The following CDC37 variants were observed in gnomAD, a reference collection of about 807,000 sequenced individuals.
CDC37 encodes hsp90 co-chaperone Cdc37.
CDC37 carries 9 observed loss-of-function variants against 46.9 expected under a neutral mutation model. The observed-to-expected ratio is 0.19, with a 90% CI of 0.12 to 0.33. The LOEUF is 0.33. CDC37 is among the 10% of genes least tolerant of loss of function. The pLI is 1.00. For synonymous variants in CDC37, 193 were observed against 191.0 expected (o/e 1.01, Z -0.09); for missense variants, 388 against 514.6 (o/e 0.75, Z 2.38).
At chr19:10,401,327 G>A (rs776739659) in intron 1 of CDC37, among the ~76,000 whole-genome samples, 16 of 152,170 alleles carry the variant, frequency 1.1e-4, no homozygotes, top group Non-Finnish European at 1.9e-4. Context: ...TGCTGGAGAC[G>A]CTGAAGCCCC....
Position 10,403,524 on chromosome 19 carries a change from G to C in CDC37, c.-45C>G, listed in dbSNP as rs550418881. The C allele has an allele frequency of 2.5e-5, 36 of 1,463,024 alleles. No individual in the cohort carries two copies. Among genetic ancestry groups the C allele is most frequent in the African/African-American group, 2.1e-4 (15 of 72,306 alleles). The allele number at this position is 1,463,024 out of a possible 1,614,324, so 90.6% of individuals were successfully genotyped here. On this transcript the variant is annotated 5_prime_UTR_variant, in exon 1 of 8. Coordinates refer to ENST00000222005, the MANE Select transcript of CDC37 (RefSeq NM_007065.4). ...CCGCTCCGGCTCGGGTGGCGGCGAC[G>C]GCGGCAGCAGTGGAGACTAGGAGCG...
intron 1 of CDC37, among the ~76,000 whole-genome samples, chr19:10,400,004 AC>A (rs1231210506): frequency 6.9e-6 from 1 of 144,962 alleles, no homozygotes; most frequent in African/African-American, 2.6e-5. Flanking sequence ...GGCCTGTGTC[AC>A]CCTGGAGCCT....
intron 1 of CDC37, among the ~76,000 whole-genome samples, chr19:10,397,655 T>C (rs1253346445): frequency 6.6e-6 from 1 of 152,106 alleles, no homozygotes; most frequent in South Asian, 2.1e-4. Context: ...TCCACCCACC[T>C]TGGCCTCCCA....
chr19:10,400,016 G>A (rs1318760035), intron 1 of CDC37, among the ~76,000 whole-genome samples: 1 of 148,552 alleles, frequency 6.7e-6, no homozygotes, highest in Non-Finnish European at 1.5e-5. Context: ...CCTGGAGCCT[G>A]CCCACCACCC....
In CDC37 at chr19:10,393,110, G is replaced by A. The variant is rs774929800; in HGVS notation, c.957C>T (p.Asp319=). ...FDVKDVQMLQ[D]AISKMDPTDA... ...CGGTGGGGTCCATCTTGCTGATGGC[G>A]TCCTGCAGCATCTGCACGTCCTTCA... The change falls in exon 7 of 8, where the codon GAC becomes GAT. Residue 319 remains aspartate (D), a synonymous_variant. Coordinates refer to ENST00000222005, the MANE Select transcript of CDC37 (RefSeq NM_007065.4). The surrounding 1 kb of genome is among the most constrained non-coding windows in gnomAD (Gnocchi z 4.9). 2.0e-5 allele frequency: 32 copies of A among 1,614,068 alleles called. No homozygotes were observed. In the South Asian group the frequency reaches 2.7e-4, roughly 14 times the overall value.
intron 2 of CDC37, 24 bp downstream of exon 2, chr19:10,395,904 G>GCC: frequency 7.8e-6 from 12 of 1,541,888 alleles, no homozygotes; most frequent in Non-Finnish European, 8.9e-6. Context: ...CATGCGCACT[G>GCC]CCCGCCCCGC....
chr19:10,397,288 CTTG>C (rs1599381667), intron 1 of CDC37, among the ~76,000 whole-genome samples: 1 of 151,424 alleles, frequency 6.6e-6, no homozygotes, highest in East Asian at 1.9e-4. Flanking sequence ...TGAACAAGGT[CTTG>C]TTGTCATGCA....
At chr19:10,401,787 G>A (rs1039336321) in intron 1 of CDC37, among the ~76,000 whole-genome samples, 6 of 152,120 alleles carry the variant, frequency 3.9e-5, no homozygotes, top group African/African-American at 1.4e-4. Flanking sequence ...ATAAATGATG[G>A]GGAATTGCCC....
chr19:10,395,765 C>G (rs2042486837), intron 2 of CDC37, 163 bp downstream of exon 2: 1 of 414,662 alleles, frequency 2.4e-6, no homozygotes, highest in Non-Finnish European at 4.5e-6. Flanking sequence ...CCTGTCCCCC[C>G]TCCCACGTGG....
In CDC37 at chr19:10,391,611, A is replaced by G. The variant is rs1333532088; in HGVS notation, c.1077T>C (p.Pro359=). 7 of 1,614,226 alleles carry G rather than the reference A, an allele frequency of 4.3e-6. No individual in the cohort carries two copies. Among genetic ancestry groups the G allele is most frequent in the African/African-American group, 1.3e-5 (1 of 75,064 alleles). ...GAACAGCTTCCAGTAATGGGTCCCC[A>G]GGACCTGCCTCCTCTCCCTCCTTGG... ...SEAKEGEEAG[P]GDPLLEAVPK... The change falls in exon 8 of 8, where the codon CCT becomes CCC. Residue 359 remains proline, a synonymous_variant. Coordinates refer to ENST00000222005, the MANE Select transcript of CDC37 (RefSeq NM_007065.4).
In CDC37 at chr19:10,391,752, G is replaced by A. The variant is rs2231486; in HGVS notation, c.982-46C>T. 10 of 1,558,264 alleles carry A rather than the reference G, an allele frequency of 6.4e-6. No individual in the cohort carries two copies. In the Admixed American group the frequency reaches 1.6e-4, roughly 25 times the overall value. ...GATGAGGTGGGGCCGCCAGCCGGTG[G>A]TCCCCGTTGTCCCCGTTGTCCCTTG... On this transcript the variant is annotated intron_variant, in intron 7 of 7. Coordinates refer to ENST00000222005, the MANE Select transcript of CDC37 (RefSeq NM_007065.4).
At chr19:10,400,378 G>A (rs1250283162) in intron 1 of CDC37, among the ~76,000 whole-genome samples, 1 of 152,156 alleles carries the variant, frequency 6.6e-6, no homozygotes, top group Non-Finnish European at 1.5e-5. Context: ...TCCGCTTCTG[G>A]AAACTTTGAA....
intron 7 of CDC37, among the ~76,000 whole-genome samples, chr19:10,392,052 T>G (rs1021766198): frequency 6.6e-6 from 1 of 152,246 alleles, no homozygotes; most frequent in Non-Finnish European, 1.5e-5. Context: ...TCTGCCTGCC[T>G]TGGCCTCCCA....
chr19:10,392,515 G>A (rs190213184), intron 7 of CDC37, among the ~76,000 whole-genome samples: 85 of 152,160 alleles, frequency 5.6e-4, no homozygotes, highest in Admixed American at 9.2e-4. Flanking sequence ...TAGATTCAAC[G>A]TCTATTACCA....
chr19:10,391,791 T>A, intron 7 of CDC37, 85 bp from the exon 8 acceptor site: 1 of 1,398,050 alleles, frequency 7.2e-7, no homozygotes, highest in Non-Finnish European at 9.9e-7. Context: ...ATCCCCAAGC[T>A]GGCTTCCTGC....
chr19:10,401,371 G>T (rs1211087105), intron 1 of CDC37, among the ~76,000 whole-genome samples: 2 of 152,184 alleles, frequency 1.3e-5, no homozygotes, highest in Non-Finnish European at 2.9e-5. Context: ...AACCACCGGG[G>T]TTCTCAGCGG....
rs762929807 is a variant in CDC37 at position 10,395,386 on chromosome 19, A to T, written c.488-43T>A. The T allele has an allele frequency of 1.9e-6, 3 of 1,603,230 alleles. No individual in the cohort carries two copies. In the Admixed American group the frequency reaches 5.0e-5, roughly 27 times the overall value. Reference sequence around the variant, plus strand: ...CAAGGTGCTGGAGGGCCCTGGAGGCAAAGGGCCTGCCTCGACCTTGCCCCC... The same window carrying T: ...CAAGGTGCTGGAGGGCCCTGGAGGCTAAGGGCCTGCCTCGACCTTGCCCCC... On this transcript the variant is annotated intron_variant, in intron 3 of 7. Transcript: ENST00000222005.
intron 2 of CDC37, 55 bp from the exon 3 acceptor site, chr19:10,395,598 G>C: frequency 1.5e-6 from 2 of 1,357,364 alleles, no homozygotes; most frequent in Non-Finnish European, 2.1e-6. Flanking sequence ...AGCGCCTCGA[G>C]CGCGGCCGGG....
At position 10,399,931 on chromosome 19, in the gene CDC37, T is replaced by TAAAAAAAAAAAA. The variant is rs56162717; in HGVS notation, c.102+3435_102+3446dup. Among the ~76,000 whole-genome samples the TAAAAAAAAAAAA allele has an allele frequency of 7.5e-4, 36 of 48,314 alleles. 6 individuals are homozygous for TAAAAAAAAAAAA. The East Asian group carries it at 0.019, about 25-fold the overall frequency. The allele number at this position is 48,314 out of a possible 152,430, so 31.7% of individuals were successfully genotyped here. ...TGGGCAACAGAGTGAGACTCCGTCT[T>TAAAAAAAAAAAA]AAAAAAAAAAAAAAAAAAAAAAAAA... On this transcript the variant is annotated intron_variant, in intron 1 of 7. Transcript: ENST00000222005.
Sources: allele counts gnomAD v4.1 joint callset (sites outside exome capture counted in the v4.1 genomes callset), GRCh38; gene constraint gnomAD v4.1.1; non-coding constraint Gnocchi (gnomAD v3.1); transcripts MANE v1.5; gene names NCBI Gene and HGNC (gene_info 2026-07-23, HGNC 2026-07-21).